MLXIPL: variants seen among roughly 807,000 people sequenced by gnomAD.
The protein encoded by MLXIPL is MLX interacting protein like, also known as carbohydrate-responsive element-binding protein.
Under a neutral mutation model 81.5 loss-of-function variants are expected in MLXIPL, and 49 were observed. That is an observed-to-expected ratio of 0.60 (90% CI 0.48 to 0.76). The LOEUF (loss-of-function observed/expected upper bound fraction) is 0.76. Ranked by LOEUF, MLXIPL falls within the 30% of genes least tolerant of loss-of-function variation. The probability of loss-of-function intolerance (pLI) is 0.00; values close to 1 mark genes in which losing one functional copy is unlikely to be tolerated. For missense variants in MLXIPL, 1,053 were observed against 1,167.0 expected (o/e 0.90, Z 1.42); for synonymous variants, 466 against 485.5 (o/e 0.96, Z 0.53).
At chr7:73,607,060 A>G in intron 4 of MLXIPL, 42 bp from the exon 5 acceptor site, 2 of 1,605,116 alleles carry the variant, frequency 1.2e-6, no homozygotes, top group Non-Finnish European at 1.7e-6. Context: ...CCCTTGCCCC[A>G]TCCTCCATCA....
the MLXIPL span, among the ~76,000 whole-genome samples, chr7:73,640,119 T>C: frequency 6.6e-6 from 1 of 151,308 alleles, no homozygotes; most frequent in Non-Finnish European, 1.5e-5. Context: ...AAAAGAAAGT[T>C]ATGGGCCGGG....
chr7:73,596,883 G>C lies in MLXIPL; in HGVS notation c.1653C>G (p.Leu551=), dbSNP rs149978336. The C allele has an allele frequency of 4.3e-6, 7 of 1,611,456 alleles. No individual in the cohort carries two copies. The highest frequency in any genetic ancestry group is 5.9e-6 in the Non-Finnish European group (7 of 1,179,668). ...ATCTTACCGGGGACCCTGGGGACCG[G>C]AGGAGGGTGCTGGATACAAGTGGTG... ...LEPPLVSSTL[L]RSPGSPQETV... is the part of the protein sequence containing the mutation. The change falls in exon 10 of 17, where the codon CTC becomes CTG. Residue 551 remains leucine (L), a synonymous_variant. Transcript: ENST00000313375. The surrounding 1 kb of genome is among the most constrained non-coding windows in gnomAD (Gnocchi z 4.7).
At chr7:73,617,715 A>T (rs1053820540) in intron 1 of MLXIPL, among the ~76,000 whole-genome samples, 25 of 152,118 alleles carry the variant, frequency 1.6e-4, no homozygotes, top group Admixed American at 1.6e-3. Context: ...GTGTGGTGGC[A>T]TGCACCTATA....
At position 73,596,090 on chromosome 7, in the gene MLXIPL, GT is replaced by G; in HGVS notation, c.2058+62del. 1 of 1,599,742 alleles carries G rather than the reference GT, an allele frequency of 6.3e-7. No individual in the cohort carries two copies. The highest frequency in any genetic ancestry group is 8.5e-7 in the Non-Finnish European group (1 of 1,175,744). On this transcript the variant is annotated intron_variant, in intron 13 of 16. Coordinates refer to ENST00000313375, the MANE Select transcript of MLXIPL (RefSeq NM_032951.3). This position sits in a 1 kb window ranked among gnomAD's most constrained non-coding sequence, Gnocchi z 4.7. ...GCACTCCCCTGCAATTGAGTTTTGGGTGGGGGGGGTCCAGAAAGGGGCCCTG... is the reference window on the plus strand; with the variant it reads ...GCACTCCCCTGCAATTGAGTTTTGGGGGGGGGGGTCCAGAAAGGGGCCCTG...
the MLXIPL span, among the ~76,000 whole-genome samples, chr7:73,641,524 A>G: frequency 6.6e-6 from 1 of 151,958 alleles, no homozygotes; most frequent in African/African-American, 2.4e-5. Context: ...TCTGTCTGTA[A>G]AAATTCCGAT....
At chr7:73,610,409 G>A (rs1795614073) in intron 2 of MLXIPL, 1 of 145,812 alleles carries the variant, frequency 6.9e-6, no homozygotes, top group African/African-American at 2.6e-5. Flanking sequence ...TCCTTGGCTT[G>A]GCTTCCAAAC....
chr7:73,602,042 A>G (rs1212747215), intron 7 of MLXIPL, among the ~76,000 whole-genome samples: 1 of 150,202 alleles, frequency 6.7e-6, no homozygotes, highest in African/African-American at 2.5e-5. Flanking sequence ...GTCTAACCTC[A>G]TGGCAAAACG....
chr7:73,639,182 C>T, the MLXIPL span, among the ~76,000 whole-genome samples: 2 of 152,096 alleles, frequency 1.3e-5, no homozygotes, highest in East Asian at 3.9e-4. Context: ...AAAACCCCAT[C>T]CCAGGCCAGG....
In MLXIPL at chr7:73,624,398, G is replaced by A; in HGVS notation, c.95C>T (p.Pro32Leu). ...GCCGCCCGCGCTGCGCCGGAGACTC[G>A]GGTCCTCCGAGTCTGTGTCCGAGTC... The part of the protein sequence containing the change: ...DSDSDTDSED[P>L]SLRRSAGGLL... Residue 32 changes from proline (P) to leucine (L), a missense_variant, in exon 1 of 17, where the codon CCG (proline) becomes CTG (leucine). Transcript: ENST00000313375. The A allele has an allele frequency of 6.4e-7, 1 of 1,566,738 alleles. No individual in the cohort carries two copies. Among genetic ancestry groups the A allele is most frequent in the Non-Finnish European group, 8.6e-7 (1 of 1,162,184 alleles).
In MLXIPL at chr7:73,607,556, G is replaced by A. The variant is rs782140366; in HGVS notation, c.483+34C>T. 4 of 1,605,818 alleles carry A rather than the reference G, an allele frequency of 2.5e-6. No homozygotes were observed. The Admixed American group carries it at 5.0e-5, about 20-fold the overall frequency. On this transcript the variant is annotated intron_variant, in intron 3 of 16. Transcript: ENST00000313375. ...GGCTGGTCTTGGTGGGTGGGCAGGT[G>A]GGCAGGTGGGCAGGCGGTCCAGAAC...
At chr7:73,604,239 A>AT (rs1795109719) in intron 7 of MLXIPL, among the ~76,000 whole-genome samples, 1 of 150,294 alleles carries the variant, frequency 6.7e-6, no homozygotes, top group African/African-American at 2.5e-5. Flanking sequence ...AAAAAAAAAA[A>AT]AAAAGCTTTA....
Position 73,596,570 on chromosome 7 carries a change from TC to T in MLXIPL, c.1822+68del, listed in dbSNP as rs1213703344. ...TCCTCTCATCTGGCCCCAGACCCAGTCCCCTTCTTCTTCCTCCTCTTCCCCT... is the reference window on the plus strand; with the variant it reads ...TCCTCTCATCTGGCCCCAGACCCAGTCCCTTCTTCTTCCTCCTCTTCCCCT... On this transcript the variant is annotated intron_variant, in intron 11 of 16. Transcript: ENST00000313375. This position sits in a 1 kb window ranked among gnomAD's most constrained non-coding sequence, Gnocchi z 4.7. 336 of 1,599,142 alleles carry T rather than the reference TC, an allele frequency of 2.1e-4. 1 individual carries two copies. In the African/African-American group the frequency reaches 4.0e-3, roughly 19 times the overall value.
chr7:73,637,059 CA>C, the MLXIPL span, among the ~76,000 whole-genome samples: 12,194 of 119,420 alleles, frequency 0.1, 639 homozygotes, highest in Middle Eastern at 0.17. Context: ...GATTCCATCT[CA>C]AAAAAAAAAA....
chr7:73,645,629 C>T, the MLXIPL span, among the ~76,000 whole-genome samples: 1 of 152,186 alleles, frequency 6.6e-6, no homozygotes, highest in Non-Finnish European at 1.5e-5. Flanking sequence ...GAATGCACCA[C>T]CCATGTTGCT....
intron 1 of MLXIPL, among the ~76,000 whole-genome samples, chr7:73,618,219 C>G (rs1366757605): frequency 6.6e-6 from 1 of 152,222 alleles, no homozygotes; most frequent in East Asian, 1.9e-4. Flanking sequence ...GCCTCAGCCC[C>G]CTGAGTAGCT....
intron 1 of MLXIPL, among the ~76,000 whole-genome samples, chr7:73,616,848 C>CAAAA (rs35467108): frequency 1.9e-5 from 1 of 51,586 alleles, no homozygotes; most frequent in Non-Finnish European, 3.7e-5. Flanking sequence ...AACTCCGTCT[C>CAAAA]AAAAAAAAAA....
intron 7 of MLXIPL, among the ~76,000 whole-genome samples, chr7:73,603,851 G>A (rs1430062105): frequency 6.6e-6 from 1 of 152,174 alleles, no homozygotes; most frequent in African/African-American, 2.4e-5. Flanking sequence ...ATCTCTGGGA[G>A]GACACTGAGG....
rs782315489 is a variant in MLXIPL at position 73,596,676 on chromosome 7, G to T, written c.1785C>A (p.Val595=). 2 of 1,589,222 alleles carry T rather than the reference G, an allele frequency of 1.3e-6. No individual in the cohort carries two copies. Among genetic ancestry groups the T allele is most frequent in the Non-Finnish European group, 1.7e-6 (2 of 1,167,740 alleles). Reference sequence around the variant, plus strand: ...GGGGTGAGAGCCGCTCCGCTTTGGGGACAAGCAGGGGCCTGGAAGGGGCCA... The same window carrying T: ...GGGGTGAGAGCCGCTCCGCTTTGGGTACAAGCAGGGGCCTGGAAGGGGCCA... ...ATLAPSRPLL[V]PKAERLSPPA... The change falls in exon 11 of 17, where the codon GTC becomes GTA. Residue 595 remains valine (V), a synonymous_variant. Coordinates refer to ENST00000313375, the MANE Select transcript of MLXIPL (RefSeq NM_032951.3). This position sits in a 1 kb window ranked among gnomAD's most constrained non-coding sequence, Gnocchi z 4.7.
intron 2 of MLXIPL, chr7:73,609,793 TC>T (rs1166221083): frequency 6.6e-6 from 1 of 152,052 alleles, no homozygotes; most frequent in Admixed American, 6.6e-5. Context: ...TACCTTAGCC[TC>T]CAGAGTAGCT....
Sources: gnomAD v4.1 joint callset for allele counts (sites outside exome capture counted in the v4.1 genomes callset) on GRCh38, gnomAD v4.1.1 for gene constraint, Gnocchi (gnomAD v3.1) non-coding constraint, MANE v1.5 for transcripts, NCBI Gene and HGNC (gene_info 2026-07-23, HGNC 2026-07-21) for gene names.